Variants in ADAMTS7 observed in about 807,000 individuals in gnomAD.
ADAMTS7 encodes A disintegrin and metalloproteinase with thrombospondin motifs 7.
A neutral mutation model predicts 172.6 loss-of-function variants in ADAMTS7; 89 were observed. The ratio of observed to expected loss-of-function variants is 0.52; its 90% CI spans 0.43 to 0.61. The LOEUF (loss-of-function observed/expected upper bound fraction) is 0.61. Ranked by LOEUF, ADAMTS7 falls within the 20% of genes least tolerant of loss-of-function variation. ADAMTS7 has a pLI of 0.00. For missense variants in ADAMTS7, 1,973 were observed against 2,355.6 expected (o/e 0.84, Z 3.36); for synonymous variants, 885 against 978.4 (o/e 0.90, Z 1.78).
chr15:78,791,506 G>C (rs1307275598), intron 4 of ADAMTS7, among the ~76,000 whole-genome samples: 1 of 152,196 alleles, frequency 6.6e-6, no homozygotes, highest in Non-Finnish European at 1.5e-5. Context: ...CCTCTCCTGA[G>C]CCTCAGTTTG....
intron 14 of ADAMTS7, among the ~76,000 whole-genome samples, chr15:78,772,658 G>A (rs972910279): frequency 1.3e-5 from 2 of 152,238 alleles, no homozygotes; most frequent in Admixed American, 6.5e-5. Context: ...CACTGCACTG[G>A]TCACACCAAA....
chr15:78,791,099 G>A (rs775649400), intron 5 of ADAMTS7, 41 bp downstream of exon 5: 21 of 1,592,298 alleles, frequency 1.3e-5, no homozygotes, highest in Middle Eastern at 1.8e-4. Flanking sequence ...TCTGGCAGCC[G>A]AAGCCATTGC....
chr15:78,801,956 G>T (rs2055730857), intron 1 of ADAMTS7, among the ~76,000 whole-genome samples: 1 of 151,904 alleles, frequency 6.6e-6, no homozygotes, highest in African/African-American at 2.4e-5. Context: ...GCCTCCCATA[G>T]TTCTGGGATT....
intron 1 of ADAMTS7, chr15:78,810,807 G>A (rs2055856436): frequency 3.9e-6 from 1 of 254,942 alleles, no homozygotes; most frequent in East Asian, 7.1e-5. Flanking sequence ...GAGCTCTCCC[G>A]GGAGCCAGGC....
intron 1 of ADAMTS7, among the ~76,000 whole-genome samples, chr15:78,810,236 T>C (rs1473632836): frequency 6.6e-6 from 1 of 152,204 alleles, no homozygotes; most frequent in Non-Finnish European, 1.5e-5. Context: ...TCCAACCTCA[T>C]GCCCCTCCTC....
chr15:78,772,552 T>A (rs2055268297), intron 14 of ADAMTS7, among the ~76,000 whole-genome samples: 1 of 152,206 alleles, frequency 6.6e-6, no homozygotes, highest in Non-Finnish European at 1.5e-5. Flanking sequence ...GTTTTATGAT[T>A]CAGCTCGACT....
At chr15:78,791,295 C>T (rs1445456367) in intron 4 of ADAMTS7, 72 bp from the exon 5 acceptor site, 3 of 1,290,254 alleles carry the variant, frequency 2.3e-6, no homozygotes, top group African/African-American at 1.5e-5. Flanking sequence ...CACCCCAACC[C>T]ACCCACCCAC....
At chr15:78,808,711 G>A (rs1221818487) in intron 1 of ADAMTS7, among the ~76,000 whole-genome samples, 1 of 152,172 alleles carries the variant, frequency 6.6e-6, no homozygotes, top group Non-Finnish European at 1.5e-5. Flanking sequence ...GTAATTGCAG[G>A]TTCCAGTCTC....
At chr15:78,776,981 T>C (rs1347933571) in intron 9 of ADAMTS7, 140 bp from the exon 10 acceptor site, 1 of 692,860 alleles carries the variant, frequency 1.4e-6, no homozygotes, top group African/African-American at 1.8e-5. Flanking sequence ...GGTTCCTTCT[T>C]GTGTGCCTGC....
chr15:78,811,020 A>T (rs902820849), intron 1 of ADAMTS7, 101 bp downstream of exon 1: 1 of 1,160,080 alleles, frequency 8.6e-7, no homozygotes, highest in Admixed American at 4.3e-5. Context: ...GGCACAGCGG[A>T]GCCGGCGCGG....
intron 14 of ADAMTS7, among the ~76,000 whole-genome samples, 189 bp from the exon 15 acceptor site, chr15:78,772,018 C>A (rs2869876): frequency 0.2 from 29,933 of 152,120 alleles, 3,322 homozygotes; most frequent in East Asian, 0.38. Flanking sequence ...AAATCCTGAC[C>A]CCGTGGCCAT....
Position 78,764,103 on chromosome 15 carries a change from G to T in ADAMTS7, c.4420-4C>A. ...CTCCGCCGCAGCTGCGGGAGCACTG[G>T]GGACCGAGAGACGTGTATGGACACA... On this transcript the variant is annotated splice_polypyrimidine_tract_variant and splice_region_variant and intron_variant, in intron 20 of 23. Transcript: ENST00000388820. 6.6e-7 allele frequency: 1 copy of T among 1,523,522 alleles called. No homozygotes were observed. Among genetic ancestry groups the T allele is most frequent in the South Asian group, 1.2e-5 (1 of 80,680 alleles). The allele number at this position is 1,523,522 out of a possible 1,614,324, so 94.4% of individuals were successfully genotyped here.
At chr15:78,799,599 A>G (rs925829634) in intron 2 of ADAMTS7, among the ~76,000 whole-genome samples, 11 of 149,326 alleles carry the variant, frequency 7.4e-5, no homozygotes, top group African/African-American at 2.7e-4. Flanking sequence ...GTGAAGGAAC[A>G]GTCATAACTG....
At chr15:78,782,374 A>C (rs2055439796) in intron 8 of ADAMTS7, among the ~76,000 whole-genome samples, 1 of 133,822 alleles carries the variant, frequency 7.5e-6, no homozygotes, top group Non-Finnish European at 1.6e-5. Flanking sequence ...CTCTGCTTCC[A>C]ATCCCACCCC....
Position 78,767,583 on chromosome 15 carries a change from T to G in ADAMTS7, c.2655A>C (p.Ala885=), listed in dbSNP as rs1424737006. The G allele has an allele frequency of 6.5e-7, 1 of 1,545,310 alleles. No individual in the cohort carries two copies. The highest frequency in any genetic ancestry group is 2.0e-5 in the Admixed American group (1 of 50,916). The change falls in exon 18 of 24, where the codon GCA becomes GCC. Residue 885 remains alanine, a synonymous_variant. Coordinates refer to ENST00000388820, the MANE Select transcript of ADAMTS7 (RefSeq NM_014272.5). The part of the protein sequence containing the change: ...SEQPCPARWW[A]GEWQLCSSSC... ...AGCTGGAGCACAGCTGCCACTCACC[T>G]GCCCACCACCTGGCGAGGGCACACA...
At chr15:78,768,662 G>A (rs1017670191) in intron 16 of ADAMTS7, among the ~76,000 whole-genome samples, 2 of 152,204 alleles carry the variant, frequency 1.3e-5, no homozygotes, top group Admixed American at 1.3e-4. Context: ...TCTTGCATGT[G>A]CAGGCTCAGC....
At chr15:78,772,509 C>T (rs965817793) in intron 14 of ADAMTS7, among the ~76,000 whole-genome samples, 33 of 152,210 alleles carry the variant, frequency 2.2e-4, no homozygotes, top group Non-Finnish European at 1.5e-5. Flanking sequence ...CTCTTCTTTC[C>T]TCCATTTGGA....
chr15:78,777,588 G>T lies in ADAMTS7; in HGVS notation c.1323C>A (p.Asp441Glu), dbSNP rs1269844197. 6.9e-6 allele frequency: 11 copies of T among 1,602,900 alleles called. No individual in the cohort carries two copies. The African/African-American group carries it at 1.5e-4, about 21-fold the overall frequency. Reference sequence around the variant, plus strand: ...CGTCCAGGCACAGGCCCCACCCACGGCTAAAGATGGGACGGGAGGATGGAG... The same window carrying T: ...CGTCCAGGCACAGGCCCCACCCACGTCTAAAGATGGGACGGGAGGATGGAG... ...CSRQYITRFL[D>E]RGWGLCLDDP... is the part of the protein sequence containing the mutation. The change falls in exon 9 of 24, where the codon GAC becomes GAA. Residue 441 changes from aspartate to glutamate, a missense_variant and splice_region_variant. Asp to Glu is a conservative substitution (Grantham distance 45, BLOSUM62 2). Coordinates refer to ENST00000388820, the MANE Select transcript of ADAMTS7 (RefSeq NM_014272.5).
intron 8 of ADAMTS7, among the ~76,000 whole-genome samples, chr15:78,778,262 T>G (rs2141493603): frequency 6.6e-6 from 1 of 152,362 alleles, no homozygotes; most frequent in Middle Eastern, 3.4e-3. Flanking sequence ...CTCCTGCTGC[T>G]GTGGTGTGGT....
Sources: gnomAD v4.1 joint callset for allele counts (sites outside exome capture counted in the v4.1 genomes callset) on GRCh38, gnomAD v4.1.1 for gene constraint, MANE v1.5 for transcripts, NCBI Gene and HGNC (gene_info 2026-07-23, HGNC 2026-07-21) for gene names.